SCARA5: variants seen among roughly 807,000 people sequenced by gnomAD.
The protein encoded by SCARA5 is scavenger receptor class A member 5.
A neutral mutation model predicts 46.3 loss-of-function variants in SCARA5; 45 were observed. The observed-to-expected ratio is 0.97, with a 90% confidence interval of 0.76 to 1.24. SCARA5 has a LOEUF of 1.24. SCARA5 is among the 50% of genes most tolerant of loss of function. SCARA5 has a pLI of 0.00. For synonymous variants in SCARA5, 333 were observed against 306.5 expected (o/e 1.09, Z -0.90); for missense variants, 680 against 689.0 (o/e 0.99, Z 0.15).
At chr8:27,942,381 G>A (rs1807964878) in intron 3 of SCARA5, among the ~76,000 whole-genome samples, 1 of 152,180 alleles carries the variant, frequency 6.6e-6, no homozygotes, top group African/African-American at 2.4e-5. Flanking sequence ...TTTCCAAAGA[G>A]ATCCAGAACG....
At position 27,946,396 on chromosome 8, in the gene SCARA5, A is replaced by G. The variant is rs146647306; in HGVS notation, c.241+20018T>C. Among the ~76,000 whole-genome samples the G allele has an allele frequency of 1.1e-4, 16 of 152,338 alleles. No homozygotes were observed. In the East Asian group the frequency reaches 3.1e-3, roughly 29 times the overall value. On this transcript the variant is annotated intron_variant, in intron 3 of 8. Transcript: ENST00000354914. ...TTGGCTCCAGGATCCCCCACAGAAA[A>G]TCCTCAGATGCTCAGGTCCCTTCAT...
At chr8:27,978,187 C>T (rs1052882857) in intron 2 of SCARA5, among the ~76,000 whole-genome samples, 37 of 132,298 alleles carry the variant, frequency 2.8e-4, no homozygotes, top group African/African-American at 8.5e-4. Flanking sequence ...CCACCACATC[C>T]GGCTAATTTT....
intron 3 of SCARA5, among the ~76,000 whole-genome samples, chr8:27,965,560 T>C (rs1198859868): frequency 1.3e-5 from 2 of 152,220 alleles, no homozygotes; most frequent in East Asian, 3.9e-4. Flanking sequence ...TGGGAGCTCC[T>C]TGAGAGAAGC....
rs1324067696 is a variant in SCARA5 at position 27,871,141 on chromosome 8, TCA to T, written c.*791_*792del. ...AATAAGTTCAGGTGGGCACACGGTCTCAGTCATTTTGTCTTCTTACTTGCAGT... is the reference window on the plus strand; with the variant it reads ...AATAAGTTCAGGTGGGCACACGGTCTGTCATTTTGTCTTCTTACTTGCAGT... On this transcript the variant is annotated 3_prime_UTR_variant, in exon 9 of 9. Coordinates refer to ENST00000354914, the MANE Select transcript of SCARA5 (RefSeq NM_173833.6). The T allele has an allele frequency of 2.6e-5, 4 of 152,286 alleles. No individual in the cohort carries two copies. The highest frequency in any genetic ancestry group is 6.5e-5 in the Admixed American group (1 of 15,286). 9.4% of individuals were successfully genotyped at this position (152,286 alleles called of 1,614,324 possible).
At chr8:27,910,350 G>A (rs1807352799) in intron 4 of SCARA5, 1 of 152,362 alleles carries the variant, frequency 6.6e-6, no homozygotes, top group African/African-American at 2.4e-5. Flanking sequence ...CCTGGGCTAA[G>A]AGTGAAAAGG....
intron 3 of SCARA5, among the ~76,000 whole-genome samples, chr8:27,956,848 G>T (rs1423884587): frequency 6.6e-6 from 1 of 152,212 alleles, no homozygotes; most frequent in Non-Finnish European, 1.5e-5. Context: ...AGGGCCCCAA[G>T]CCTTGGGCGA....
intron 3 of SCARA5, among the ~76,000 whole-genome samples, chr8:27,940,705 A>ACCATCTGCCCATCCACCCACCCAC (rs1807929777): frequency 9.1e-6 from 1 of 109,686 alleles, no homozygotes; most frequent in African/African-American, 3.6e-5. Context: ...CACCCACCCA[A>ACCATCTGCCCATCCACCCACCCAC]CCATCTGCCC....
intron 2 of SCARA5, among the ~76,000 whole-genome samples, chr8:27,984,978 T>G (rs1258451294): frequency 6.6e-6 from 1 of 152,126 alleles, no homozygotes; most frequent in Non-Finnish European, 1.5e-5. Context: ...CATCCATCCA[T>G]CTATTCCCTT....
In SCARA5 at chr8:27,917,533, A is replaced by G. The variant is rs561953780; in HGVS notation, c.916+4038T>C. On this transcript the variant is annotated intron_variant, in intron 4 of 8. Transcript: ENST00000354914. ...TTCACTGCTTACAGCTCGGAAGCAAAATGCTTCCATCCCAACAACCAGGGT... is the reference window on the plus strand; with the variant it reads ...TTCACTGCTTACAGCTCGGAAGCAAGATGCTTCCATCCCAACAACCAGGGT... Among the ~76,000 whole-genome samples the G allele has an allele frequency of 6.6e-5, 10 of 152,268 alleles. No individual in the cohort carries two copies. The South Asian group carries it at 2.1e-3, about 32-fold the overall frequency.
At chr8:27,916,483 A>G (rs1407672094) in intron 4 of SCARA5, among the ~76,000 whole-genome samples, 1 of 152,026 alleles carries the variant, frequency 6.6e-6, no homozygotes, top group Non-Finnish European at 1.5e-5. Context: ...GTGTGTGTGT[A>G]TATTTGTGTA....
At chr8:27,901,478 C>A (rs1347978361) in intron 7 of SCARA5, among the ~76,000 whole-genome samples, 2 of 152,128 alleles carry the variant, frequency 1.3e-5, no homozygotes, top group Non-Finnish European at 2.9e-5. Flanking sequence ...GACTAAGAAA[C>A]CCTCAGACAT....
intron 4 of SCARA5, among the ~76,000 whole-genome samples, chr8:27,913,080 C>T (rs979112015): frequency 1.3e-5 from 2 of 152,200 alleles, no homozygotes; most frequent in African/African-American, 2.4e-5. Flanking sequence ...TGACAACTTC[C>T]GGGTATTCCA....
chr8:27,901,971 A>G (rs1807162301), intron 7 of SCARA5, among the ~76,000 whole-genome samples: 1 of 152,040 alleles, frequency 6.6e-6, no homozygotes, highest in African/African-American at 2.4e-5. Context: ...CTGGCCTCCC[A>G]GTTTCTTTGT....
intron 2 of SCARA5, among the ~76,000 whole-genome samples, chr8:27,977,773 G>A (rs781459744): frequency 1.3e-5 from 2 of 152,278 alleles, no homozygotes; most frequent in South Asian, 4.1e-4. Flanking sequence ...CACTCCTTCC[G>A]GCCTCCTTAC....
chr8:27,874,167 T>C (rs1336516128), intron 8 of SCARA5, among the ~76,000 whole-genome samples: 2 of 152,254 alleles, frequency 1.3e-5, no homozygotes, highest in Non-Finnish European at 2.9e-5. Context: ...ACGTTTGAGC[T>C]TCTATGTGTT....
intron 7 of SCARA5, among the ~76,000 whole-genome samples, chr8:27,882,728 T>A (rs1304888498): frequency 6.6e-6 from 1 of 152,226 alleles, no homozygotes; most frequent in Non-Finnish European, 1.5e-5. Context: ...AATGGGCGCC[T>A]GTTTTATATG....
intron 3 of SCARA5, among the ~76,000 whole-genome samples, chr8:27,943,012 C>T (rs923046739): frequency 6.6e-6 from 1 of 152,162 alleles, no homozygotes; most frequent in Admixed American, 6.6e-5. Flanking sequence ...CTCAAGGTGA[C>T]CTGCACCCTC....
At position 27,981,536 on chromosome 8, in the gene SCARA5, C is replaced by A. The variant is rs1402914785; in HGVS notation, c.112+5968G>T. Among the ~76,000 whole-genome samples, 6 of 152,314 alleles carry A rather than the reference C, an allele frequency of 3.9e-5. No individual in the cohort carries two copies. The East Asian group carries it at 7.7e-4, about 20-fold the overall frequency. On this transcript the variant is annotated intron_variant, in intron 2 of 8. Transcript: ENST00000354914. Reference sequence around the variant, plus strand: ...CACCCACCTCCTGCCGGGGCTCCCCCGTGAGTTGAGTAAAGAACAGTGTAC... The same window carrying A: ...CACCCACCTCCTGCCGGGGCTCCCCAGTGAGTTGAGTAAAGAACAGTGTAC...
intron 4 of SCARA5, among the ~76,000 whole-genome samples, chr8:27,918,640 TGAG>T (rs1434732314): frequency 1.4e-5 from 1 of 70,228 alleles, no homozygotes; most frequent in South Asian, 5.8e-4. Context: ...AGGAGGAAGA[TGAG>T]GAGGAGGAAA....
Sources: allele counts gnomAD v4.1 joint callset (sites outside exome capture counted in the v4.1 genomes callset), GRCh38; gene constraint gnomAD v4.1.1; transcripts MANE v1.5; gene names NCBI Gene and HGNC (gene_info 2026-07-23, HGNC 2026-07-21).